USP48: variants seen among roughly 807,000 people sequenced by gnomAD.
The protein encoded by USP48 is ubiquitin specific peptidase 48, also known as ubiquitin carboxyl-terminal hydrolase 48.
USP48 carries 43 observed loss-of-function variants against 150.7 expected under a neutral mutation model. That is an observed-to-expected ratio of 0.29 (90% confidence interval 0.22 to 0.37). The LOEUF is 0.37. Among genes scored for constraint, USP48 ranks in the 10% least tolerant of loss-of-function variants. The pLI is 1.00. For synonymous variants in USP48, 396 were observed against 425.9 expected, an observed-to-expected ratio of 0.93 and a Z score of 0.86; for missense variants, 813 against 1,249.6, an observed-to-expected ratio of 0.65 and a Z score of 5.27.
At chr1:21,729,561 G>A in intron 10 of USP48, 143 bp downstream of exon 10, 1 of 1,004,490 alleles carries the variant, frequency 1.0e-6, no homozygotes, top group African/African-American at 1.6e-5. Flanking sequence ...AAGTAAATTT[G>A]CAATTAATAT....
At chr1:21,743,010 T>TA (rs1361708549) in intron 8 of USP48, among the ~76,000 whole-genome samples, 1 of 152,152 alleles carries the variant, frequency 6.6e-6, no homozygotes, top group African/African-American at 2.4e-5. Flanking sequence ...TAAAGTGGTT[T>TA]AAAAATTTTT....
chr1:21,710,196 T>C (rs560592378), intron 15 of USP48, among the ~76,000 whole-genome samples: 41 of 152,268 alleles, frequency 2.7e-4, no homozygotes, highest in African/African-American at 9.1e-4. Flanking sequence ...CTATGAGCAA[T>C]ACCTCCCAAA....
intron 22 of USP48, 115 bp downstream of exon 22, chr1:21,701,383 A>AG: frequency 1.4e-6 from 1 of 725,496 alleles, no homozygotes; most frequent in South Asian, 2.0e-5. Context: ...AAAAAAAAAG[A>AG]AAAAAAAAGA....
intron 22 of USP48, 29 bp downstream of exon 22, chr1:21,701,469 T>C: frequency 1.9e-6 from 3 of 1,593,468 alleles, no homozygotes; most frequent in Non-Finnish European, 2.6e-6. Context: ...GCAGAAAGTA[T>C]AACAATGAAA....
At position 21,721,023 on chromosome 1, in the gene USP48, T is replaced by C. The variant is rs774191850; in HGVS notation, c.1894+13A>G. On this transcript the variant is annotated intron_variant, in intron 14 of 26. Coordinates refer to ENST00000308271, the MANE Select transcript of USP48 (RefSeq NM_032236.8). The stretch of plus-strand genomic sequence containing the variant: ...AGTTTCACAATGATCTACACATAGG[T>C]TTAAAGTGTTACCTTTATTTAAGGT... The C allele has an allele frequency of 6.2e-7, 1 of 1,613,976 alleles. No homozygotes were observed. The highest frequency in any genetic ancestry group is 8.5e-7 in the Non-Finnish European group (1 of 1,179,850).
intron 8 of USP48, among the ~76,000 whole-genome samples, chr1:21,738,789 A>C (rs1229361669): frequency 2.0e-5 from 3 of 152,142 alleles, no homozygotes; most frequent in African/African-American, 7.2e-5. Context: ...TCATTAGACA[A>C]ACAGTAAACA....
intron 25 of USP48, among the ~76,000 whole-genome samples, chr1:21,684,984 T>A (rs903503369): frequency 1.3e-5 from 2 of 152,196 alleles, no homozygotes; most frequent in African/African-American, 4.8e-5. Context: ...GCCTCCAGCT[T>A]TGTTCTTTTT....
intron 11 of USP48, chr1:21,725,019 C>T (rs2097732561): frequency 6.6e-6 from 1 of 152,228 alleles, no homozygotes. Context: ...GGGACAGATA[C>T]TTCAACGCAA....
At chr1:21,706,241 C>T (rs1044396655) in intron 17 of USP48, 54 bp from the exon 18 acceptor site, 4 of 1,585,972 alleles carry the variant, frequency 2.5e-6, no homozygotes, top group South Asian at 1.1e-5. Context: ...CTGCTTAACA[C>T]AAATTCCTTA....
chr1:21,779,649 C>T (rs1267304472), intron 1 of USP48, among the ~76,000 whole-genome samples: 1 of 152,108 alleles, frequency 6.6e-6, no homozygotes, highest in East Asian at 1.9e-4. Flanking sequence ...AATGCCCACA[C>T]AAAAACTACT....
intron 1 of USP48, among the ~76,000 whole-genome samples, chr1:21,763,936 A>G (rs2097855856): frequency 6.6e-6 from 1 of 152,204 alleles, no homozygotes. Context: ...GCACAGCAGA[A>G]TGCCAACCAC....
chr1:21,728,155 CA>C (rs1226448300), intron 11 of USP48: 5 of 988,104 alleles, frequency 5.1e-6, no homozygotes, highest in East Asian at 1.1e-4. Flanking sequence ...CTAATAGTAT[CA>C]AAAAAACTGT....
rs1491189889 is a variant in USP48 at position 21,694,608 on chromosome 1, C to CAAAAAA, written c.2883+457_2883+458insTTTTTT. On this transcript the variant is annotated intron_variant, in intron 23 of 26. Coordinates refer to ENST00000308271, the MANE Select transcript of USP48 (RefSeq NM_032236.8). Reference sequence around the variant, plus strand: ...AAAAAAAAAAAAAAAAAAAAAAAAACCCCCTCTATCTATCAAATAGATTTA... The same window carrying CAAAAAA: ...AAAAAAAAAAAAAAAAAAAAAAAAACAAAAAACCCCTCTATCTATCAAATAGATTTA... Among the ~76,000 whole-genome samples the CAAAAAA allele has an allele frequency of 1.5e-3, 44 of 29,000 alleles. 3 individuals are homozygous for CAAAAAA. In the South Asian group the frequency reaches 0.056, roughly 37 times the overall value. The allele number at this position is 29,000 out of a possible 152,430, so 19.0% of individuals were successfully genotyped here.
At chr1:21,780,578 A>C (rs1425724300) in intron 1 of USP48, among the ~76,000 whole-genome samples, 3 of 152,048 alleles carry the variant, frequency 2.0e-5, no homozygotes, top group African/African-American at 7.2e-5. Flanking sequence ...AATGAAATGA[A>C]GTGCTGAAAC....
intron 25 of USP48, chr1:21,686,245 G>A (rs1024908290): frequency 2.0e-5 from 3 of 152,202 alleles, no homozygotes; most frequent in African/African-American, 7.2e-5. Context: ...TGGTGAAAAT[G>A]GCCGTCCTTG....
intron 23 of USP48, among the ~76,000 whole-genome samples, chr1:21,692,716 C>CA (rs1367444390): frequency 6.6e-6 from 1 of 152,060 alleles, no homozygotes; most frequent in East Asian, 1.9e-4. Flanking sequence ...GAGGTCAAAA[C>CA]AAAGTTGTGA....
At chr1:21,780,870 T>C (rs1314775981) in intron 1 of USP48, among the ~76,000 whole-genome samples, 4 of 148,576 alleles carry the variant, frequency 2.7e-5, no homozygotes, top group African/African-American at 7.4e-5. Context: ...GCCACCCCAG[T>C]AGCTGGGATT....
In USP48 at chr1:21,782,813, G is replaced by A. The variant is rs1347474254; in HGVS notation, c.134+11C>T. On this transcript the variant is annotated intron_variant, in intron 1 of 26. Coordinates refer to ENST00000308271, the MANE Select transcript of USP48 (RefSeq NM_032236.8). ...GCGAGGAGCCCGCGAGGCGCGGTGC[G>A]CGGGCCTCACCTGCACACGCCGCGA... The A allele has an allele frequency of 6.5e-7, 1 of 1,527,402 alleles. No homozygotes were observed. The highest frequency in any genetic ancestry group is 1.2e-5 in the South Asian group (1 of 81,838). The allele number at this position is 1,527,402 out of a possible 1,614,324, so 94.6% of individuals were successfully genotyped here.
intron 18 of USP48, 77 bp from the exon 19 acceptor site, chr1:21,705,914 C>A: frequency 8.2e-7 from 1 of 1,226,246 alleles, no homozygotes; most frequent in East Asian, 2.6e-5. Flanking sequence ...ATAATTATTT[C>A]AAAATCAGAG....
Sources: gnomAD v4.1 joint callset for allele counts (sites outside exome capture counted in the v4.1 genomes callset) on GRCh38, gnomAD v4.1.1 for gene constraint, MANE v1.5 for transcripts, NCBI Gene and HGNC (gene_info 2026-07-23, HGNC 2026-07-21) for gene names.